ZNF169: variants seen among roughly 807,000 people sequenced by gnomAD.
The protein encoded by ZNF169 is zinc finger protein 169.
A neutral mutation model predicts 12.0 loss-of-function variants in ZNF169; 11 were observed. The ratio of observed to expected loss-of-function variants is 0.92; its 90% CI spans 0.58 to 1.52. ZNF169 has a LOEUF of 1.52. Ranked by LOEUF, ZNF169 falls within the 40% of genes most tolerant of loss-of-function variation. The pLI is 0.00. For missense variants in ZNF169, 722 were observed against 744.0 expected (o/e 0.97, Z 0.34); for synonymous variants, 302 against 286.5 (o/e 1.05, Z -0.55).
In ZNF169 at chr9:94,300,577, A is replaced by G. The variant is rs200285467; in HGVS notation, c.1019A>G (p.His340Arg). ...GCCCTCCTTCTACACCAGAGGACGC[A>G]CTTGGAGGAGAAGCCCTTCGTGTGT... ...KIALLLHQRT[H>R]LEEKPFVCPE... The change falls in exon 5 of 5, where the codon CAC becomes CGC. Residue 340 changes from histidine (H) to arginine (R), a missense_variant. Transcript: ENST00000395395. 1 of 1,614,092 alleles carries G rather than the reference A, an allele frequency of 6.2e-7. No individual in the cohort carries two copies. The highest frequency in any genetic ancestry group is 1.1e-5 in the South Asian group (1 of 91,076).
chr9:94,268,109 A>G (rs891777421), intron 1 of ZNF169, among the ~76,000 whole-genome samples: 3 of 151,926 alleles, frequency 2.0e-5, no homozygotes, highest in Admixed American at 1.3e-4. Flanking sequence ...ACCTCAGGTG[A>G]TCCGCCCACC....
Position 94,299,910 on chromosome 9 carries a change from C to T in ZNF169, c.352C>T (p.Gln118Ter). Residue 118 changes from glutamine (Q) to a stop codon, truncating the protein, a stop_gained, in exon 5 of 5, where the codon CAG (glutamine) becomes TAG (stop). Coordinates refer to ENST00000395395, the MANE Select transcript of ZNF169 (RefSeq NM_194320.4). LOFTEE classifies it low-confidence loss of function (END_TRUNC). ...ATATGCGCTAAGTGGCCATCCCACA[C>T]AGATCTTCCCAAGCTCATCTGCAGG... The part of the protein sequence containing the change: ...RQYALSGHPT[Q>*]IFPSSSAGGD... The T allele has an allele frequency of 6.2e-7, 1 of 1,614,160 alleles. No homozygotes were observed. Among genetic ancestry groups the T allele is most frequent in the Non-Finnish European group, 8.5e-7 (1 of 1,180,042 alleles).
chr9:94,299,700 C>T, intron 4 of ZNF169, 115 bp from the exon 5 acceptor site: 1 of 1,474,054 alleles, frequency 6.8e-7, no homozygotes, highest in Non-Finnish European at 8.9e-7. Flanking sequence ...ATGTAATGTG[C>T]CCTTGTGGGT....
intron 2 of ZNF169, chr9:94,287,985 T>C: frequency 1.2e-6 from 1 of 802,650 alleles, no homozygotes; most frequent in Admixed American, 1.7e-5. Context: ...GCTGCCAAAC[T>C]CTGTCCCATC....
intron 2 of ZNF169, among the ~76,000 whole-genome samples, chr9:94,289,870 C>T (rs915149274): frequency 6.6e-6 from 1 of 151,746 alleles, no homozygotes; most frequent in Non-Finnish European, 1.5e-5. Context: ...GTTTGAGTAA[C>T]CCATGAGAAA....
intron 1 of ZNF169, among the ~76,000 whole-genome samples, chr9:94,270,489 A>G (rs908712845): frequency 2.0e-5 from 3 of 148,772 alleles, no homozygotes; most frequent in Non-Finnish European, 4.4e-5. Context: ...TATTAGTGCT[A>G]TGTTTTTGTA....
intron 2 of ZNF169, chr9:94,288,218 AT>A (rs923068351): frequency 4.9e-5 from 40 of 817,092 alleles, no homozygotes; most frequent in South Asian, 8.2e-5. Context: ...TGATTTTAGC[AT>A]TTTTTTCCCC....
chr9:94,273,137 G>A (rs545799063), intron 1 of ZNF169, among the ~76,000 whole-genome samples: 1 of 152,056 alleles, frequency 6.6e-6, no homozygotes, highest in South Asian at 2.1e-4. Context: ...TTGATACATG[G>A]TTTGCAAATA....
chr9:94,263,711 T>C (rs771757560), intron 1 of ZNF169, among the ~76,000 whole-genome samples: 19 of 152,146 alleles, frequency 1.2e-4, no homozygotes, highest in Non-Finnish European at 2.1e-4. Context: ...TTAATTGGAA[T>C]GCGTATTTCA....
rs186485642 is a variant in ZNF169, at chr9:94,271,805, T to C, written c.-55-6953T>C. On this transcript the variant is annotated intron_variant, in intron 1 of 4. Transcript: ENST00000395395. ...TTGCCATATCATCCTTATAACCTAT[T>C]GCTGGGTTTGACTTTCTATTATTTT... Among the ~76,000 whole-genome samples, 41 of 152,206 alleles carry C rather than the reference T, an allele frequency of 2.7e-4. 1 individual carries two copies. The highest frequency in any genetic ancestry group is 9.6e-4 in the African/African-American group (40 of 41,546).
chr9:94,289,286 C>T (rs1292103406), intron 2 of ZNF169, among the ~76,000 whole-genome samples: 1 of 151,902 alleles, frequency 6.6e-6, no homozygotes, highest in Admixed American at 6.6e-5. Context: ...GTGGTCCCAG[C>T]AACTTGGGAG....
rs1204293411 is a variant in ZNF169 at position 94,301,091 on chromosome 9, G to A, written c.1533G>A (p.Glu511=). 6.2e-7 allele frequency: 1 copy of A among 1,614,116 alleles called. No homozygotes were observed. Among genetic ancestry groups the A allele is most frequent in the Non-Finnish European group, 8.5e-7 (1 of 1,180,034 alleles). The change falls in exon 5 of 5, where the codon GAG becomes GAA. Residue 511 remains glutamate (E), a synonymous_variant. Coordinates refer to ENST00000395395, the MANE Select transcript of ZNF169 (RefSeq NM_194320.4). Reference sequence around the variant, plus strand: ...GACACCAGAGGACACACTCAGAGGAGGAGCTTTACGTAGACAGGGTGTGTG... The same window carrying A: ...GACACCAGAGGACACACTCAGAGGAAGAGCTTTACGTAGACAGGGTGTGTG... ...LTRHQRTHSE[E]ELYVDRVCGQ...
At chr9:94,298,983 A>G (rs1488727803) in intron 4 of ZNF169, among the ~76,000 whole-genome samples, 6 of 152,232 alleles carry the variant, frequency 3.9e-5, no homozygotes, top group African/African-American at 1.4e-4. Context: ...TCCCTGAAAC[A>G]TCTTTATGCT....
intron 3 of ZNF169, 141 bp downstream of exon 3, chr9:94,292,608 TGTGTGTGTGTGTGTG>T: frequency 4.2e-6 from 1 of 240,758 alleles, no homozygotes; most frequent in Non-Finnish European, 6.7e-6. Flanking sequence ...ACAGTGCAGT[TGTGTGTGTGTGTGTG>T]TGTGTGTGTG....
At chr9:94,264,271 G>A (rs1830253772) in intron 1 of ZNF169, among the ~76,000 whole-genome samples, 1 of 152,230 alleles carries the variant, frequency 6.6e-6, no homozygotes, top group South Asian at 2.1e-4. Context: ...GAGTCACTGG[G>A]ATTACAGGCA....
At chr9:94,289,273 C>A (rs775130782) in intron 2 of ZNF169, among the ~76,000 whole-genome samples, 5 of 151,890 alleles carry the variant, frequency 3.3e-5, no homozygotes, top group Non-Finnish European at 5.9e-5. Flanking sequence ...GTGATGCACA[C>A]CTGTGGTCCC....
chr9:94,270,914 T>G (rs1326448902), intron 1 of ZNF169, among the ~76,000 whole-genome samples: 3 of 20,972 alleles, frequency 1.4e-4, no homozygotes, highest in South Asian at 1.7e-3. Flanking sequence ...TATATTATAT[T>G]ATATTATATA....
At chr9:94,272,417 T>C (rs1830439134) in intron 1 of ZNF169, among the ~76,000 whole-genome samples, 1 of 152,190 alleles carries the variant, frequency 6.6e-6, no homozygotes, top group Admixed American at 6.5e-5. Flanking sequence ...CTGAAATCTT[T>C]TACCTATTGA....
intron 1 of ZNF169, among the ~76,000 whole-genome samples, chr9:94,270,892 TATA>T (rs1250785716): frequency 1.5e-4 from 3 of 19,866 alleles, no homozygotes; most frequent in African/African-American, 4.9e-4. Flanking sequence ...TATAAATATA[TATA>T]ATAATATATA....
Sources: gnomAD v4.1 joint callset for allele counts (sites outside exome capture counted in the v4.1 genomes callset) on GRCh38, gnomAD v4.1.1 for gene constraint, MANE v1.5 for transcripts, NCBI Gene and HGNC (gene_info 2026-07-23, HGNC 2026-07-21) for gene names.